The following THOC1 variants were observed in gnomAD, a reference collection of about 807,000 sequenced individuals.
THOC1 encodes THO complex 1.
A neutral mutation model predicts 97.3 loss-of-function variants in THOC1; 29 were observed. That is an observed-to-expected ratio of 0.30 (90% confidence interval 0.22 to 0.41). THOC1 has a LOEUF of 0.41. Among genes scored for constraint, THOC1 ranks in the 10% least tolerant of loss-of-function variants. THOC1 has a pLI of 1.00. For missense variants in THOC1, 529 were observed against 761.9 expected (o/e 0.69, Z 3.60); for synonymous variants, 255 against 257.0 (o/e 0.99, Z 0.07).
chr18:264,142 A>C (rs1187873149), intron 3 of THOC1, 50 bp from the exon 4 acceptor site: 1 of 1,251,642 alleles, frequency 8.0e-7, no homozygotes, highest in Admixed American at 1.9e-5. Context: ...GTTCAGACTA[A>C]ACTCGATTAA....
intron 19 of THOC1, 30 bp from the exon 20 acceptor site, chr18:215,534 G>A: frequency 6.4e-7 from 1 of 1,562,572 alleles, no homozygotes; most frequent in Non-Finnish European, 8.8e-7. Flanking sequence ...ATGTTTGAAA[G>A]AATGCCAGCC....
intron 9 of THOC1, among the ~76,000 whole-genome samples, chr18:251,529 G>A (rs1376610882): frequency 6.6e-6 from 1 of 151,890 alleles, no homozygotes; most frequent in Non-Finnish European, 1.5e-5. Flanking sequence ...AAATAACGAT[G>A]TTTCCTTCAA....
intron 11 of THOC1, chr18:245,712 C>A (rs1361738058): frequency 1.3e-5 from 2 of 152,604 alleles, no homozygotes; most frequent in Non-Finnish European, 2.9e-5. Flanking sequence ...GAGAGTCCAG[C>A]AGGCCCAGGC....
At chr18:218,720 G>A (rs1207633610) in intron 18 of THOC1, among the ~76,000 whole-genome samples, 166 bp downstream of exon 18, 1 of 152,032 alleles carries the variant, frequency 6.6e-6, no homozygotes, top group Admixed American at 6.6e-5. Flanking sequence ...AATAATCCTT[G>A]AAATCAGGAT....
intron 11 of THOC1, among the ~76,000 whole-genome samples, chr18:227,472 A>C (rs925265710): frequency 1.3e-5 from 2 of 152,282 alleles, no homozygotes; most frequent in African/African-American, 2.4e-5. Context: ...ATTACTTGAC[A>C]ATAAACAAGA....
intron 8 of THOC1, 53 bp from the exon 9 acceptor site, chr18:252,665 G>A (rs1304972779): frequency 2.8e-6 from 4 of 1,448,226 alleles, no homozygotes; most frequent in Admixed American, 1.8e-5. Context: ...TCAGACAGAA[G>A]AGATAAATGC....
intron 11 of THOC1, among the ~76,000 whole-genome samples, chr18:229,181 CAACT>C (rs1446452616): frequency 6.6e-6 from 1 of 152,150 alleles, no homozygotes; most frequent in Non-Finnish European, 1.5e-5. Flanking sequence ...TGAGTTCCAT[CAACT>C]AACTGCCCTG....
chr18:227,957 A>AT (rs1355231508), intron 11 of THOC1, among the ~76,000 whole-genome samples: 1 of 151,746 alleles, frequency 6.6e-6, no homozygotes, highest in Admixed American at 6.6e-5. Flanking sequence ...AAAAAAAAAA[A>AT]TTAATGATCA....
intron 11 of THOC1, among the ~76,000 whole-genome samples, chr18:232,438 C>T (rs1472486449): frequency 6.6e-6 from 1 of 151,822 alleles, no homozygotes; most frequent in Non-Finnish European, 1.5e-5. Context: ...ATTTGCCAAC[C>T]CCTGCTATAA....
intron 11 of THOC1, among the ~76,000 whole-genome samples, chr18:232,038 A>G (rs1329908750): frequency 2.0e-5 from 3 of 152,236 alleles, no homozygotes; most frequent in Non-Finnish European, 4.4e-5. Context: ...ACAGAGCAAA[A>G]GCAGTCAGAG....
At chr18:249,022 T>A (rs1246350692) in intron 9 of THOC1, among the ~76,000 whole-genome samples, 1 of 152,182 alleles carries the variant, frequency 6.6e-6, no homozygotes, top group African/African-American at 2.4e-5. Context: ...AGTGCTGGGA[T>A]TACAGGCGTG....
At chr18:267,854 G>A (rs1456102591) in intron 1 of THOC1, 112 bp downstream of exon 1, 2 of 1,123,736 alleles carry the variant, frequency 1.8e-6, no homozygotes, top group Admixed American at 3.0e-5. Context: ...GGACGCTGAG[G>A]CGGACACACC....
intron 8 of THOC1, 90 bp from the exon 9 acceptor site, chr18:252,702 C>A: frequency 9.8e-7 from 1 of 1,023,232 alleles, no homozygotes; most frequent in South Asian, 1.4e-5. Flanking sequence ...TTACACATTC[C>A]TAGGCAACCC....
intron 1 of THOC1, 48 bp downstream of exon 1, chr18:267,918 C>G: frequency 6.4e-7 from 1 of 1,559,612 alleles, no homozygotes; most frequent in Non-Finnish European, 8.7e-7. Flanking sequence ...GAGAAGAGGA[C>G]AAAGCATAGC....
chr18:223,990 C>T, intron 16 of THOC1, 94 bp downstream of exon 16: 3 of 929,592 alleles, frequency 3.2e-6, no homozygotes, highest in South Asian at 2.9e-5. Context: ...CAAACACAAT[C>T]TCATACTATA....
At chr18:241,815 A>T (rs1186899468) in intron 11 of THOC1, among the ~76,000 whole-genome samples, 1 of 152,194 alleles carries the variant, frequency 6.6e-6, no homozygotes, top group East Asian at 1.9e-4. Flanking sequence ...AGTGCCTTTT[A>T]TTTGGTATAA....
At chr18:215,372 CAAAG>C (rs1910841254) in intron 20 of THOC1, 53 bp downstream of exon 20, 3 of 1,361,002 alleles carry the variant, frequency 2.2e-6, no homozygotes, top group East Asian at 4.6e-5. Flanking sequence ...TACCTATCAA[CAAAG>C]AACCCCAATC....
chr18:226,913 A>G lies in THOC1; in HGVS notation c.919-12T>C. 7 of 1,586,824 alleles carry G rather than the reference A, an allele frequency of 4.4e-6. No homozygotes were observed. Among genetic ancestry groups the G allele is most frequent in the Non-Finnish European group, 6.0e-6 (7 of 1,162,198 alleles). On this transcript the variant is annotated splice_polypyrimidine_tract_variant and intron_variant, in intron 11 of 20. Coordinates refer to ENST00000261600, the MANE Select transcript of THOC1 (RefSeq NM_005131.3). ...TGTAAATCCATCAGCTACTCAAGAAACAAGCAAACACATACGAAAACAACA... is the reference window on the plus strand; with the variant it reads ...TGTAAATCCATCAGCTACTCAAGAAGCAAGCAAACACATACGAAAACAACA...
chr18:243,474 G>A (rs1911979793), intron 11 of THOC1, among the ~76,000 whole-genome samples: 2 of 151,956 alleles, frequency 1.3e-5, no homozygotes, highest in Admixed American at 6.6e-5. Flanking sequence ...GGTGGCAGAG[G>A]TTGCAGTGAG....
Sources: allele counts gnomAD v4.1 joint callset (sites outside exome capture counted in the v4.1 genomes callset), GRCh38; gene constraint gnomAD v4.1.1; transcripts MANE v1.5; gene names NCBI Gene and HGNC (gene_info 2026-07-23, HGNC 2026-07-21).